ARK2C: variants seen among roughly 807,000 people sequenced by gnomAD.
The protein encoded by ARK2C is E3 ubiquitin-protein ligase ARK2C.
chr18:46,456,384 T>G, the ARK2C span: 1 of 713,422 alleles, frequency 1.4e-6, no homozygotes, highest in African/African-American at 1.8e-5. Flanking sequence ...TGGCGGAGGC[T>G]TCATGGTTTC....
the ARK2C span, among the ~76,000 whole-genome samples, chr18:46,455,272 C>A: frequency 1.3e-5 from 2 of 152,040 alleles, no homozygotes; most frequent in African/African-American, 4.8e-5. Context: ...ATAAATGAAA[C>A]CTGCTGGGCC....
chr18:46,348,605 C>T, the ARK2C span, among the ~76,000 whole-genome samples: 53 of 152,214 alleles, frequency 3.5e-4, no homozygotes, highest in African/African-American at 1.2e-3. Context: ...TCTGGGAGAC[C>T]TCCTGGAAGA....
the ARK2C span, among the ~76,000 whole-genome samples, chr18:46,366,172 A>T: frequency 7.3e-5 from 11 of 151,660 alleles, no homozygotes; most frequent in African/African-American, 1.9e-4. Flanking sequence ...CATGTCTGTA[A>T]TCCCAGCTAC....
the ARK2C span, among the ~76,000 whole-genome samples, chr18:46,439,178 C>G: frequency 1.3e-5 from 2 of 152,226 alleles, no homozygotes; most frequent in African/African-American, 2.4e-5. Context: ...GGCTCATACT[C>G]TCATGAGCGT....
chr18:46,365,824 G>A, the ARK2C span, among the ~76,000 whole-genome samples: 1 of 152,130 alleles, frequency 6.6e-6, no homozygotes, highest in East Asian at 1.9e-4. Flanking sequence ...GGAAGCTCCA[G>A]CTTTGTGGCT....
At chr18:46,336,574 A>G in the ARK2C span, 1 of 985,466 alleles carries the variant, frequency 1.0e-6, no homozygotes, top group Non-Finnish European at 1.2e-6. Flanking sequence ...CTAAACCACA[A>G]TCTTCTTGTA....
the ARK2C span, chr18:46,458,345 A>G: frequency 6.5e-6 from 1 of 152,688 alleles, no homozygotes; most frequent in East Asian, 1.9e-4. Flanking sequence ...GGAAGACACC[A>G]GATTAGCTGG....
chr18:46,345,261 G>C, the ARK2C span, among the ~76,000 whole-genome samples: 1 of 152,212 alleles, frequency 6.6e-6, no homozygotes, highest in Non-Finnish European at 1.5e-5. Flanking sequence ...GAGGGGGTGA[G>C]GGAAGAGAGG....
the ARK2C span, among the ~76,000 whole-genome samples, chr18:46,443,999 A>T: frequency 1.3e-5 from 2 of 151,846 alleles, no homozygotes; most frequent in Non-Finnish European, 2.9e-5. Context: ...TTAAAAATAT[A>T]TTTTTTCTAG....
At chr18:46,425,363 G>A in the ARK2C span, among the ~76,000 whole-genome samples, 1 of 152,228 alleles carries the variant, frequency 6.6e-6, no homozygotes, top group Admixed American at 6.5e-5. Context: ...TTGCCCACCA[G>A]CAGAAGGCCA....
the ARK2C span, among the ~76,000 whole-genome samples, chr18:46,440,152 T>A: frequency 5.9e-5 from 9 of 152,174 alleles, no homozygotes; most frequent in African/African-American, 2.2e-4. Context: ...TACTCATCTT[T>A]GTTCTCTCGC....
chr18:46,463,104 TTA>T, the ARK2C span: 1 of 152,240 alleles, frequency 6.6e-6, no homozygotes, highest in Admixed American at 6.5e-5. Flanking sequence ...TGTACTTTAT[TTA>T]TAACTAATAA....
chr18:46,399,563 G>C, the ARK2C span, among the ~76,000 whole-genome samples: 3 of 152,196 alleles, frequency 2.0e-5, no homozygotes, highest in Non-Finnish European at 4.4e-5. Context: ...AGTGGACTTT[G>C]ATGGGAAAAC....
the ARK2C span, among the ~76,000 whole-genome samples, chr18:46,377,821 C>A: frequency 1.3e-5 from 2 of 152,106 alleles, no homozygotes; most frequent in African/African-American, 4.8e-5. Flanking sequence ...TGGGCAGAAT[C>A]CATAAATGCC....
chr18:46,340,765 C>A, the ARK2C span, among the ~76,000 whole-genome samples: 310 of 152,322 alleles, frequency 2.0e-3, 1 homozygote, highest in Admixed American at 3.5e-3. Flanking sequence ...ACCTGGCACG[C>A]GGCAGGTGCC....
chr18:46,444,082 T>A, the ARK2C span, among the ~76,000 whole-genome samples: 1 of 152,072 alleles, frequency 6.6e-6, no homozygotes. Flanking sequence ...CATTCCTTTG[T>A]CTTCTGGCTT....
the ARK2C span, among the ~76,000 whole-genome samples, chr18:46,337,904 T>C: frequency 6.6e-6 from 1 of 152,140 alleles, no homozygotes. Context: ...CCAGTTGTCC[T>C]GTTACACTGA....
At chr18:46,456,471 T>C in the ARK2C span, 2 of 1,345,100 alleles carry the variant, frequency 1.5e-6, no homozygotes. Flanking sequence ...CTCCGCTCAG[T>C]GTCCCTCAGC....
At chr18:46,449,902 G>C in the ARK2C span, among the ~76,000 whole-genome samples, 1 of 152,106 alleles carries the variant, frequency 6.6e-6, no homozygotes, top group Non-Finnish European at 1.5e-5. Flanking sequence ...CAACTGCCTG[G>C]GTTTGAAATC....
Sources: allele counts gnomAD v4.1 joint callset (sites outside exome capture counted in the v4.1 genomes callset), GRCh38; gene constraint gnomAD v4.1.1; transcripts MANE v1.5; gene names NCBI Gene and HGNC (gene_info 2026-07-23, HGNC 2026-07-21).